The following SP100 variants were observed in gnomAD, a reference collection of about 807,000 sequenced individuals.
SP100 encodes the protein SP100 nuclear body protein, also known as nuclear autoantigen Sp-100.
SP100 carries 84 observed loss-of-function variants against 130.0 expected under a neutral mutation model. The observed-to-expected ratio is 0.65, with a 90% CI of 0.54 to 0.77. SP100 has a LOEUF of 0.77. SP100 is among the 30% of genes least tolerant of loss of function. SP100 has a pLI of 0.00. For missense variants in SP100, 978 were observed against 1,052.2 expected, an observed-to-expected ratio of 0.93 and a Z score of 0.97; for synonymous variants, 331 against 351.7, an observed-to-expected ratio of 0.94 and a Z score of 0.66.
intron 2 of SP100, among the ~76,000 whole-genome samples, chr2:230,427,968 C>G (rs561216278): frequency 6.6e-6 from 1 of 152,194 alleles, no homozygotes; most frequent in East Asian, 1.9e-4. Flanking sequence ...CAGTGGCTCA[C>G]GCCTGTAATC....
intron 2 of SP100, among the ~76,000 whole-genome samples, chr2:230,426,038 T>C (rs2062921195): frequency 6.6e-6 from 1 of 152,184 alleles, no homozygotes; most frequent in African/African-American, 2.4e-5. Context: ...TGTTGATGTA[T>C]AATTGTTCAT....
intron 24 of SP100, among the ~76,000 whole-genome samples, chr2:230,512,275 CCTTTTT>C (rs1385720288): frequency 3.2e-5 from 4 of 123,864 alleles, no homozygotes; most frequent in African/African-American, 1.2e-4. Context: ...AATTGAAATG[CCTTTTT>C]TTTTTTTTTT....
At chr2:230,504,327 A>G (rs201005476) in intron 21 of SP100, 37 bp downstream of exon 21, 2 of 1,198,166 alleles carry the variant, frequency 1.7e-6, no homozygotes, top group African/African-American at 3.0e-5. Flanking sequence ...TTCAGCTGGA[A>G]AATATCCACA....
rs1039383025 is a variant in SP100, at chr2:230,432,990, G to A, written c.108-9947G>A. 5.3e-5 allele frequency among the ~76,000 whole-genome samples: 8 copies of A among 151,754 alleles called. 1 individual carries two copies. Among genetic ancestry groups the A allele is most frequent in the Admixed American group, 4.6e-4 (7 of 15,238 alleles). On this transcript the variant is annotated intron_variant, in intron 2 of 28. Coordinates refer to ENST00000340126, the MANE Select transcript of SP100 (RefSeq NM_001080391.2). ...GTTTTACAAGACTACTGCATAATTT[G>A]GGAAACGCAGTGAAAAATGAAAATG... is the stretch of plus-strand genomic sequence containing the variant.
intron 15 of SP100, among the ~76,000 whole-genome samples, chr2:230,471,560 CT>C (rs1389132093): frequency 2.0e-5 from 3 of 151,976 alleles, no homozygotes; most frequent in Non-Finnish European, 2.9e-5. Context: ...TATTAATTAT[CT>C]TTTTTTTCCT....
chr2:230,459,069 C>T (rs1016407719), intron 8 of SP100, among the ~76,000 whole-genome samples: 4 of 152,066 alleles, frequency 2.6e-5, no homozygotes, highest in African/African-American at 9.7e-5. Flanking sequence ...ACCACCTTCA[C>T]CTCACCCTGG....
At chr2:230,511,684 T>C (rs1267258048) in intron 24 of SP100, among the ~76,000 whole-genome samples, 1 of 152,104 alleles carries the variant, frequency 6.6e-6, no homozygotes. Flanking sequence ...GTGAGTCTCT[T>C]ATGAAGCCCC....
intron 6 of SP100, 163 bp downstream of exon 6, chr2:230,449,313 G>A (rs1169981954): frequency 2.4e-6 from 2 of 826,606 alleles, no homozygotes; most frequent in African/African-American, 1.7e-5. Context: ...TTATCCTCTA[G>A]GTTGCCTAGG....
chr2:230,535,074 T>A (rs1691869366), intron 24 of SP100, among the ~76,000 whole-genome samples: 2 of 152,082 alleles, frequency 1.3e-5, no homozygotes, highest in Admixed American at 6.6e-5. Flanking sequence ...CAGGCACCTG[T>A]AGTCCCAGCT....
At chr2:230,481,794 C>T (rs533828564) in intron 17 of SP100, among the ~76,000 whole-genome samples, 24 of 152,326 alleles carry the variant, frequency 1.6e-4, no homozygotes, top group Middle Eastern at 3.4e-3. Flanking sequence ...CCCTCACTTG[C>T]TACTCTGGCC....
chr2:230,477,214 T>C (rs916321415), intron 17 of SP100, among the ~76,000 whole-genome samples: 4 of 152,264 alleles, frequency 2.6e-5, no homozygotes, highest in African/African-American at 9.6e-5. Flanking sequence ...TGAATGAATA[T>C]AGAACTCTTA....
chr2:230,450,044 A>G, intron 7 of SP100, 128 bp from the exon 8 acceptor site: 1 of 680,206 alleles, frequency 1.5e-6, no homozygotes, highest in Non-Finnish European at 2.6e-6. Context: ...TTCACGCAGC[A>G]ATATATGCAG....
chr2:230,440,447 T>C (rs896145292), intron 2 of SP100: 10 of 806,760 alleles, frequency 1.2e-5, no homozygotes, highest in Non-Finnish European at 1.7e-5. Flanking sequence ...TTTTTAAATT[T>C]AATTAAATTA....
Position 230,440,505 on chromosome 2 carries a change from G to C in SP100, c.108-2432G>C, listed in dbSNP as rs1332816780. ...TTGGAGAGGAATAAATTTAATGAAA[G>C]ATGTACATGACTTCTAAAAACTATA... On this transcript the variant is annotated intron_variant, in intron 2 of 28. Transcript: ENST00000340126. 3.1e-6 allele frequency: 4 copies of C among 1,286,722 alleles called. No individual in the cohort carries two copies. In the African/African-American group the frequency reaches 6.2e-5, roughly 20 times the overall value. The allele number at this position is 1,286,722 out of a possible 1,614,324, so 79.7% of individuals were successfully genotyped here. A position where few individuals can be genotyped will look rare whatever the true frequency, so the allele number is the denominator to read the frequency against.
chr2:230,498,898 A>G (rs1365499009), intron 19 of SP100, among the ~76,000 whole-genome samples: 1 of 152,178 alleles, frequency 6.6e-6, no homozygotes, highest in African/African-American at 2.4e-5. Flanking sequence ...CCACGTGGTA[A>G]TTGTGTGGAC....
intron 8 of SP100, among the ~76,000 whole-genome samples, chr2:230,455,006 G>T (rs1294670112): frequency 6.6e-6 from 1 of 152,074 alleles, no homozygotes; most frequent in East Asian, 1.9e-4. Flanking sequence ...ATCTTGATAA[G>T]TTGACTCCTT....
chr2:230,541,449 C>A, intron 27 of SP100, 77 bp downstream of exon 27: 1 of 1,277,782 alleles, frequency 7.8e-7, no homozygotes, highest in South Asian at 1.2e-5. Flanking sequence ...CACAAGGTGC[C>A]ATTCTATTTG....
At chr2:230,428,056 C>T (rs1297331833) in intron 2 of SP100, among the ~76,000 whole-genome samples, 1 of 152,038 alleles carries the variant, frequency 6.6e-6, no homozygotes, top group African/African-American at 2.4e-5. Context: ...CATAGTGAAA[C>T]CCTGTCTCTA....
At chr2:230,513,188 C>T (rs1690720489) in intron 24 of SP100, among the ~76,000 whole-genome samples, 2 of 152,196 alleles carry the variant, frequency 1.3e-5, no homozygotes, top group Non-Finnish European at 2.9e-5. Context: ...GAGAGGGACT[C>T]CTCACACCAG....
Sources: allele counts gnomAD v4.1 joint callset (sites outside exome capture counted in the v4.1 genomes callset), GRCh38; gene constraint gnomAD v4.1.1; transcripts MANE v1.5; gene names NCBI Gene and HGNC (gene_info 2026-07-23, HGNC 2026-07-21).